Variants in MCU observed in about 807,000 individuals in gnomAD.
The protein encoded by MCU is mitochondrial calcium uniporter, also known as calcium uniporter protein, mitochondrial.
Under a neutral mutation model 45.2 loss-of-function variants are expected in MCU, and 12 were observed. The observed-to-expected ratio is 0.27, with a 90% CI of 0.17 to 0.43. The LOEUF is 0.43. Ranked by LOEUF, MCU falls within the 20% of genes least tolerant of loss-of-function variation. MCU has a pLI of 1.00. For missense variants in MCU, 324 were observed against 436.7 expected (o/e 0.74, Z 2.30); for synonymous variants, 160 against 165.1 (o/e 0.97, Z 0.24).
chr10:72,875,032 C>A (rs888621982), intron 6 of MCU, among the ~76,000 whole-genome samples: 2 of 152,086 alleles, frequency 1.3e-5, no homozygotes, highest in African/African-American at 4.8e-5. Flanking sequence ...TTAATCTCAA[C>A]CCTATAAGTA....
At chr10:72,823,638 G>T (rs1844748474) in intron 1 of MCU, among the ~76,000 whole-genome samples, 1 of 152,022 alleles carries the variant, frequency 6.6e-6, no homozygotes, top group African/African-American at 2.4e-5. Context: ...TTACACCTTG[G>T]CATGGCTTTG....
At chr10:72,701,123 T>C (rs1186653385) in intron 1 of MCU, among the ~76,000 whole-genome samples, 1 of 152,244 alleles carries the variant, frequency 6.6e-6, no homozygotes, top group African/African-American at 2.4e-5. Flanking sequence ...CTTTAAACTT[T>C]AGTTCAGAGA....
chr10:72,692,625 T>C, intron 1 of MCU: 1 of 1,106,232 alleles, frequency 9.0e-7, no homozygotes, highest in Non-Finnish European at 1.1e-6. Flanking sequence ...CCTTCTTCGT[T>C]CTTAACAGCC....
At chr10:72,771,183 A>G (rs938826150) in intron 1 of MCU, among the ~76,000 whole-genome samples, 1 of 152,080 alleles carries the variant, frequency 6.6e-6, no homozygotes, top group African/African-American at 2.4e-5. Context: ...ATTTCTCCTA[A>G]TGCTATCCCT....
chr10:72,744,737 T>G lies in MCU; in HGVS notation c.150+52436T>G, dbSNP rs556016964. 4.6e-5 allele frequency among the ~76,000 whole-genome samples: 7 copies of G among 152,338 alleles called. No homozygotes were observed. In the South Asian group the frequency reaches 1.4e-3, roughly 32 times the overall value. ...TTCAAAAGGGTAGGTCTGCTCTCCT[T>G]TCTTAAAAACATCTGGTTCTACCAG... On this transcript the variant is annotated intron_variant, in intron 1 of 7. Coordinates refer to ENST00000373053, the MANE Select transcript of MCU (RefSeq NM_138357.3).
intron 1 of MCU, among the ~76,000 whole-genome samples, chr10:72,702,801 A>G (rs1842774207): frequency 6.6e-6 from 1 of 151,974 alleles, no homozygotes; most frequent in Non-Finnish European, 1.5e-5. Context: ...ACATGGTGAA[A>G]CCCCATCCCT....
rs140757276 is a variant in MCU, at chr10:72,818,329, A to T, written c.151-16030A>T. Reference sequence around the variant, plus strand: ...TTCACAGTGTTTTGCTAACTCACATAATGAAAATAAAGCAGAAAGTAGTGT... The same window carrying T: ...TTCACAGTGTTTTGCTAACTCACATTATGAAAATAAAGCAGAAAGTAGTGT... On this transcript the variant is annotated intron_variant, in intron 1 of 7. Coordinates refer to ENST00000373053, the MANE Select transcript of MCU (RefSeq NM_138357.3). Among the ~76,000 whole-genome samples the T allele has an allele frequency of 5.9e-3, 905 of 152,294 alleles. 12 individuals carry two copies. Among genetic ancestry groups the T allele is most frequent in the African/African-American group, 0.021 (853 of 41,564 alleles).
At chr10:72,860,713 G>C (rs1021663550) in intron 4 of MCU, among the ~76,000 whole-genome samples, 186 bp downstream of exon 4, 2 of 152,058 alleles carry the variant, frequency 1.3e-5, no homozygotes, top group African/African-American at 4.8e-5. Context: ...CTAGTACGTC[G>C]ACAAAAATCA....
chr10:72,801,317 C>T (rs1230360647), intron 1 of MCU, among the ~76,000 whole-genome samples: 5 of 148,286 alleles, frequency 3.4e-5, no homozygotes, highest in African/African-American at 1.2e-4. Flanking sequence ...TCATTGATTA[C>T]ATAATTTCCT....
At chr10:72,831,414 C>T (rs367996985) in intron 1 of MCU, among the ~76,000 whole-genome samples, 9 of 151,638 alleles carry the variant, frequency 5.9e-5, no homozygotes, top group Admixed American at 2.0e-4. Context: ...TCATTGCTGA[C>T]GATAGAGATA....
chr10:72,702,775 A>G (rs2132650757), intron 1 of MCU, among the ~76,000 whole-genome samples: 1 of 152,158 alleles, frequency 6.6e-6, no homozygotes, highest in East Asian at 1.9e-4. Flanking sequence ...TCAGGAGCTC[A>G]AGACCAGCCT....
chr10:72,809,176 A>AC (rs1844500557), intron 1 of MCU, among the ~76,000 whole-genome samples: 1 of 152,214 alleles, frequency 6.6e-6, no homozygotes, highest in African/African-American at 2.4e-5. Flanking sequence ...AGTGCCAGGC[A>AC]CGTGCTCACT....
chr10:72,801,195 T>G (rs1017314160), intron 1 of MCU, among the ~76,000 whole-genome samples: 1 of 152,182 alleles, frequency 6.6e-6, no homozygotes, highest in East Asian at 1.9e-4. Flanking sequence ...CATAGTACTT[T>G]GGGCAGTGTT....
chr10:72,799,708 G>GA (rs956003931), intron 1 of MCU, among the ~76,000 whole-genome samples: 7 of 148,234 alleles, frequency 4.7e-5, no homozygotes, highest in South Asian at 2.1e-4. Context: ...TCATCTGATA[G>GA]AAAAAAAAAG....
chr10:72,745,863 A>G (rs1312075057), intron 1 of MCU, among the ~76,000 whole-genome samples: 2 of 152,222 alleles, frequency 1.3e-5, no homozygotes, highest in South Asian at 4.1e-4. Flanking sequence ...TATACATAAC[A>G]TAAAATATAC....
At chr10:72,840,406 G>A (rs1294345372) in intron 2 of MCU, among the ~76,000 whole-genome samples, 1 of 152,138 alleles carries the variant, frequency 6.6e-6, no homozygotes, top group Admixed American at 6.5e-5. Context: ...TGAGTTGTAA[G>A]TGTTCTTTAT....
At chr10:72,714,637 C>T (rs758037410) in intron 1 of MCU, among the ~76,000 whole-genome samples, 7 of 151,962 alleles carry the variant, frequency 4.6e-5, no homozygotes, top group African/African-American at 7.2e-5. Flanking sequence ...CTCTGCCTCC[C>T]GGGTTAAAGC....
intron 2 of MCU, among the ~76,000 whole-genome samples, chr10:72,846,725 G>T (rs996477297): frequency 1.3e-5 from 2 of 151,954 alleles, no homozygotes; most frequent in Non-Finnish European, 2.9e-5. Context: ...TGACTGGCCT[G>T]GGAAGGCTCC....
rs1845340369 is a variant in MCU at position 72,859,274 on chromosome 10, C to T, written c.318C>T (p.Asp106=). 1.2e-6 allele frequency: 2 copies of T among 1,613,856 alleles called. No individual in the cohort carries two copies. Among genetic ancestry groups the T allele is most frequent in the Non-Finnish European group, 1.7e-6 (2 of 1,179,976 alleles). Residue 106 remains aspartate (D), a synonymous_variant, in exon 3 of 8, where the codon GAC becomes GAT. Transcript: ENST00000373053. The stretch of plus-strand genomic sequence containing the variant: ...AGTTCACACTCAAGCCTATCTCTGA[C>T]TCTGTTGGTGTATTTTTACGACAAC... ...RCQFTLKPIS[D]SVGVFLRQLQ...
Sources: allele counts gnomAD v4.1 joint callset (sites outside exome capture counted in the v4.1 genomes callset), GRCh38; gene constraint gnomAD v4.1.1; transcripts MANE v1.5; gene names NCBI Gene and HGNC (gene_info 2026-07-23, HGNC 2026-07-21).